Variants in PDE1A observed in about 807,000 individuals in gnomAD.
PDE1A encodes the protein phosphodiesterase 1A, also known as dual specificity calcium/calmodulin-dependent 3',5'-cyclic nucleotide phosphodiesterase 1A.
PDE1A carries 35 observed loss-of-function variants against 61.7 expected under a neutral mutation model. That is an observed-to-expected ratio of 0.57 (90% CI 0.43 to 0.75). PDE1A has a LOEUF of 0.75. Among genes scored for constraint, PDE1A ranks in the 30% least tolerant of loss-of-function variants. The pLI is 0.00. For missense variants in PDE1A, 597 were observed against 630.6 expected, an observed-to-expected ratio of 0.95 and a Z score of 0.57; for synonymous variants, 232 against 213.2, an observed-to-expected ratio of 1.09 and a Z score of -0.77.
chr2:182,530,483 T>C, the PDE1A span, among the ~76,000 whole-genome samples: 7 of 152,114 alleles, frequency 4.6e-5, no homozygotes, highest in Admixed American at 1.3e-4. Context: ...CATATTGTAG[T>C]GAAGATTCTG....
chr2:182,452,338 C>T (rs1478868275), intron 2 of PDE1A, among the ~76,000 whole-genome samples: 1 of 152,060 alleles, frequency 6.6e-6, no homozygotes, highest in Non-Finnish European at 1.5e-5. Context: ...ATTTTACATG[C>T]ACCTGAAGGA....
intron 2 of PDE1A, among the ~76,000 whole-genome samples, chr2:182,516,305 T>C (rs1389206713): frequency 6.6e-6 from 1 of 152,042 alleles, no homozygotes; most frequent in Non-Finnish European, 1.5e-5. Flanking sequence ...ACGAGTTAAG[T>C]CCTTGTCACT....
At chr2:182,199,346 C>G (rs576477515) in intron 10 of PDE1A, among the ~76,000 whole-genome samples, 1 of 152,058 alleles carries the variant, frequency 6.6e-6, no homozygotes, top group East Asian at 1.9e-4. Flanking sequence ...ATCCTTCCAT[C>G]AACTTATTTT....
chr2:182,505,369 C>A (rs17265384), intron 2 of PDE1A, among the ~76,000 whole-genome samples: 7,923 of 152,220 alleles, frequency 0.052, 249 homozygotes, highest in Middle Eastern at 0.099. Context: ...ACTTTTACCT[C>A]AATCTTAACA....
At chr2:182,462,434 A>G (rs1245590280) in intron 2 of PDE1A, among the ~76,000 whole-genome samples, 1 of 151,562 alleles carries the variant, frequency 6.6e-6, no homozygotes, top group African/African-American at 2.4e-5. Context: ...CTCAAACCAG[A>G]CTCTTGGTGT....
At chr2:182,385,481 T>A (rs776528848) in intron 1 of PDE1A, among the ~76,000 whole-genome samples, 2 of 152,004 alleles carry the variant, frequency 1.3e-5, no homozygotes, top group Non-Finnish European at 2.9e-5. Context: ...CAAGTTTTTA[T>A]TGGCTTAAAA....
chr2:182,610,977 A>G, the PDE1A span, among the ~76,000 whole-genome samples: 1 of 152,236 alleles, frequency 6.6e-6, no homozygotes, highest in Middle Eastern at 3.2e-3. Flanking sequence ...AGTGCAGAAT[A>G]TGTCCAGAGG....
intron 1 of PDE1A, among the ~76,000 whole-genome samples, chr2:182,360,372 T>C (rs1000895874): frequency 1.3e-5 from 2 of 152,078 alleles, no homozygotes; most frequent in African/African-American, 4.8e-5. Context: ...CCCCGTTTAA[T>C]CTAACTCAGT....
the PDE1A span, among the ~76,000 whole-genome samples, chr2:182,624,853 G>C: frequency 6.6e-6 from 1 of 152,126 alleles, no homozygotes; most frequent in African/African-American, 2.4e-5. Flanking sequence ...TCCACAGGGA[G>C]CCCAGCAAAC....
intron 2 of PDE1A, among the ~76,000 whole-genome samples, chr2:182,508,940 C>T (rs1457976168): frequency 6.6e-6 from 1 of 150,420 alleles, no homozygotes; most frequent in Non-Finnish European, 1.5e-5. Context: ...AGGTATATCT[C>T]CCGATGCTAT....
intron 6 of PDE1A, among the ~76,000 whole-genome samples, chr2:182,228,089 C>T (rs973212967): frequency 6.6e-6 from 1 of 152,108 alleles, no homozygotes; most frequent in African/African-American, 2.4e-5. Flanking sequence ...CTTGACAGCA[C>T]TTTATAAAAC....
intron 2 of PDE1A, among the ~76,000 whole-genome samples, chr2:182,479,070 A>C (rs1471648002): frequency 6.6e-6 from 1 of 151,934 alleles, no homozygotes; most frequent in Non-Finnish European, 1.5e-5. Flanking sequence ...GTTAGAAGTG[A>C]GGAAAAAGGA....
intron 1 of PDE1A, among the ~76,000 whole-genome samples, chr2:182,310,049 A>C (rs1400609354): frequency 1.3e-5 from 2 of 152,242 alleles, no homozygotes; most frequent in Non-Finnish European, 2.9e-5. Context: ...CACAAGGAAC[A>C]TACTAAAGAT....
chr2:182,180,292 T>G (rs1303709062), intron 13 of PDE1A, among the ~76,000 whole-genome samples: 2 of 152,184 alleles, frequency 1.3e-5, no homozygotes, highest in Non-Finnish European at 2.9e-5. Flanking sequence ...TAAAATGAAC[T>G]TTTGTGTGTC....
Position 182,399,075 on chromosome 2 carries a change from C to T in PDE1A, c.53+27503G>A, listed in dbSNP as rs1701858574. 2.0e-5 allele frequency among the ~76,000 whole-genome samples: 3 copies of T among 152,008 alleles called. No individual in the cohort carries two copies. In the South Asian group the frequency reaches 6.2e-4, roughly 32 times the overall value. ...AGTGGGCTGAAACTGAAAAATAACC[C>T]TAAAGTTTTCAAAATTACGGCCAGT... is the stretch of plus-strand genomic sequence containing the variant. On this transcript the variant is annotated intron_variant, in intron 1 of 13. Coordinates refer to ENST00000351439, the Ensembl canonical transcript of PDE1A.
At chr2:182,227,995 G>T (rs541777767) in intron 6 of PDE1A, among the ~76,000 whole-genome samples, 1 of 152,092 alleles carries the variant, frequency 6.6e-6, no homozygotes, top group Non-Finnish European at 1.5e-5. Flanking sequence ...TAGAGAGAAC[G>T]CAGTGCCAGG....
chr2:182,226,998 C>T (rs1480187950), intron 6 of PDE1A, among the ~76,000 whole-genome samples: 1 of 151,906 alleles, frequency 6.6e-6, no homozygotes, highest in African/African-American at 2.4e-5. Flanking sequence ...ATTTTTATGC[C>T]TATGTTGCAG....
intron 1 of PDE1A, among the ~76,000 whole-genome samples, chr2:182,302,099 T>C (rs1031604596): frequency 6.6e-6 from 1 of 152,074 alleles, no homozygotes. Flanking sequence ...GAGGCAACAG[T>C]GGATATTAAT....
intron 2 of PDE1A, among the ~76,000 whole-genome samples, chr2:182,258,691 C>CCA (rs1245808764): frequency 6.6e-6 from 1 of 152,056 alleles, no homozygotes; most frequent in African/African-American, 2.4e-5. Context: ...GAGAGCTTTG[C>CCA]CAGAGAACAA....
Sources: gnomAD v4.1 joint callset for allele counts (sites outside exome capture counted in the v4.1 genomes callset) on GRCh38, gnomAD v4.1.1 for gene constraint, MANE v1.5 for transcripts, NCBI Gene and HGNC (gene_info 2026-07-23, HGNC 2026-07-21) for gene names.